RMND5A: variants seen among roughly 807,000 people sequenced by gnomAD.
RMND5A encodes the protein E3 ubiquitin-protein transferase RMND5A.
A neutral mutation model predicts 49.7 loss-of-function variants in RMND5A; 17 were observed. That is an observed-to-expected ratio of 0.34 (90% CI 0.23 to 0.51). The LOEUF (loss-of-function observed/expected upper bound fraction) is 0.51. Ranked by LOEUF, RMND5A falls within the 20% of genes least tolerant of loss-of-function variation. The pLI is 0.96. For missense variants in RMND5A, 255 were observed against 471.3 expected, an observed-to-expected ratio of 0.54 and a Z score of 4.25; for synonymous variants, 156 against 167.7, an observed-to-expected ratio of 0.93 and a Z score of 0.54.
At chr2:86,746,009 G>A (rs1393696700) in intron 2 of RMND5A, among the ~76,000 whole-genome samples, 1 of 152,172 alleles carries the variant, frequency 6.6e-6, no homozygotes, top group Non-Finnish European at 1.5e-5. Context: ...TTTTGCCACT[G>A]GGTGGAGTAT....
intron 4 of RMND5A, among the ~76,000 whole-genome samples, chr2:86,754,591 C>T (rs1389046943): frequency 6.6e-6 from 1 of 152,096 alleles, no homozygotes; most frequent in Non-Finnish European, 1.5e-5. Context: ...CTTTTTGAGA[C>T]AGGGTCTCAC....
intron 2 of RMND5A, among the ~76,000 whole-genome samples, chr2:86,747,276 G>GGGC (rs1681553711): frequency 6.6e-6 from 1 of 152,070 alleles, no homozygotes; most frequent in Non-Finnish European, 1.5e-5. Context: ...CTTGAAGGTG[G>GGGC]GGCATCTTCT....
At chr2:86,760,866 A>G (rs1672471456) in intron 4 of RMND5A, among the ~76,000 whole-genome samples, 1 of 152,302 alleles carries the variant, frequency 6.6e-6, no homozygotes, top group East Asian at 1.9e-4. Flanking sequence ...AGACGAGGGT[A>G]AAGTCACTTC....
At chr2:86,753,327 C>A in intron 3 of RMND5A, 131 bp from the exon 4 acceptor site, 1 of 555,034 alleles carries the variant, frequency 1.8e-6, no homozygotes, top group African/African-American at 1.9e-5. Context: ...AGGGGGCAGT[C>A]ATCAGTCTCT....
chr2:86,720,948 C>A, intron 1 of RMND5A, 139 bp downstream of exon 1: 1 of 677,588 alleles, frequency 1.5e-6, no homozygotes. Context: ...GCCCCCAGAC[C>A]CCTGAGACTT....
At chr2:86,758,693 C>T (rs1245304624) in intron 4 of RMND5A, among the ~76,000 whole-genome samples, 1 of 152,198 alleles carries the variant, frequency 6.6e-6, no homozygotes, top group Non-Finnish European at 1.5e-5. Context: ...GACAGAGACT[C>T]ACACCAACTC....
At position 86,744,850 on chromosome 2, in the gene RMND5A, G is replaced by T. The variant is rs189904118; in HGVS notation, c.285+3781G>T. Reference sequence around the variant, plus strand: ...TGGGCCTACATGCGCTTGCTACCATGCCCAGTTAATTTTTTTCATTTTTGC... The same window carrying T: ...TGGGCCTACATGCGCTTGCTACCATTCCCAGTTAATTTTTTTCATTTTTGC... On this transcript the variant is annotated intron_variant, in intron 2 of 8. Coordinates refer to ENST00000283632, the MANE Select transcript of RMND5A (RefSeq NM_022780.4). Among the ~76,000 whole-genome samples, 270 of 152,196 alleles carry T rather than the reference G, an allele frequency of 1.8e-3. 3 individuals are homozygous for T. The South Asian group carries it at 0.033, about 18-fold the overall frequency.
intron 4 of RMND5A, among the ~76,000 whole-genome samples, chr2:86,760,786 G>T (rs1299876139): frequency 3.9e-5 from 6 of 152,194 alleles, no homozygotes; most frequent in African/African-American, 1.4e-4. Flanking sequence ...GCAAGATGAA[G>T]CTAGGGCAAG....
chr2:86,765,786 G>A, intron 5 of RMND5A, 73 bp from the exon 6 acceptor site: 1 of 1,321,524 alleles, frequency 7.6e-7, no homozygotes. Context: ...ATCAGTATGG[G>A]TGGGGGTATT....
intron 4 of RMND5A, among the ~76,000 whole-genome samples, chr2:86,757,739 T>TG (rs1681768722): frequency 1.3e-5 from 2 of 152,264 alleles, no homozygotes; most frequent in African/African-American, 4.8e-5. Context: ...GTCTAGTATC[T>TG]GACTTTCAGC....
rs1200618700 is a variant in RMND5A at position 86,738,567 on chromosome 2, G to T, written c.143-2360G>T. Among the ~76,000 whole-genome samples the T allele has an allele frequency of 3.6e-5, 2 of 54,924 alleles. 1 individual carries two copies. Among genetic ancestry groups the T allele is most frequent in the Non-Finnish European group, 6.9e-5 (2 of 29,076 alleles). The allele number at this position is 54,924 out of a possible 152,430, so 36.0% of individuals were successfully genotyped here. On this transcript the variant is annotated intron_variant, in intron 1 of 8. Coordinates refer to ENST00000283632, the MANE Select transcript of RMND5A (RefSeq NM_022780.4). ...CAAAAAAAAAAAATGTTTTTTGTGGGTTTTTTTTTTAATTAGTTTACATGC... is the reference window on the plus strand; with the variant it reads ...CAAAAAAAAAAAATGTTTTTTGTGGTTTTTTTTTTTAATTAGTTTACATGC...
intron 6 of RMND5A, 30 bp from the exon 7 acceptor site, chr2:86,769,993 G>T: frequency 1.3e-6 from 2 of 1,555,644 alleles, no homozygotes; most frequent in Non-Finnish European, 1.8e-6. Flanking sequence ...CCCTGGCCTG[G>T]CACTGACGTT....
chr2:86,750,814 C>G (rs1355374772), intron 2 of RMND5A, among the ~76,000 whole-genome samples: 1 of 145,396 alleles, frequency 6.9e-6, no homozygotes, highest in East Asian at 2.0e-4. Flanking sequence ...TGGATGAATT[C>G]TATTGATTTT....
At chr2:86,752,788 C>T (rs535540586) in intron 3 of RMND5A, among the ~76,000 whole-genome samples, 4 of 152,232 alleles carry the variant, frequency 2.6e-5, no homozygotes, top group East Asian at 1.9e-4. Flanking sequence ...CATGAAGGAC[C>T]GAAAGAATTA....
intron 4 of RMND5A, among the ~76,000 whole-genome samples, chr2:86,753,869 G>C (rs1274537817): frequency 6.6e-6 from 1 of 152,220 alleles, no homozygotes; most frequent in Non-Finnish European, 1.5e-5. Context: ...TGTTCAGCCA[G>C]TGCAAGTTTG....
chr2:86,751,688 A>G (rs954510281), intron 2 of RMND5A, among the ~76,000 whole-genome samples: 2 of 152,210 alleles, frequency 1.3e-5, no homozygotes, highest in African/African-American at 4.8e-5. Flanking sequence ...CTACTTTAAA[A>G]AAACATTATC....
chr2:86,765,207 C>T lies in RMND5A; in HGVS notation c.688+14C>T. On this transcript the variant is annotated intron_variant, in intron 5 of 8. Coordinates refer to ENST00000283632, the MANE Select transcript of RMND5A (RefSeq NM_022780.4). The stretch of plus-strand genomic sequence containing the variant: ...ATCATCAAAAAGGTGAGTCTAGAGT[C>T]AGATGTTATTAATGTTTGAAACAGG... The T allele has an allele frequency of 6.5e-7, 1 of 1,532,710 alleles. No individual in the cohort carries two copies. The highest frequency in any genetic ancestry group is 8.7e-7 in the Non-Finnish European group (1 of 1,143,950). 94.9% of individuals were successfully genotyped at this position (1,532,710 alleles called of 1,614,324 possible).
chr2:86,723,907 G>GA (rs1383273777), intron 1 of RMND5A, among the ~76,000 whole-genome samples: 1 of 151,154 alleles, frequency 6.6e-6, no homozygotes, highest in Non-Finnish European at 1.5e-5. Context: ...TAAGTAGCTT[G>GA]AAATTCTTTT....
At chr2:86,721,007 C>T (rs1681202520) in intron 1 of RMND5A, 198 bp downstream of exon 1, 2 of 487,998 alleles carry the variant, frequency 4.1e-6, no homozygotes, top group Admixed American at 8.6e-5. Context: ...ACCTCGCTGC[C>T]AATTCAGAAG....
Sources: allele counts gnomAD v4.1 joint callset (sites outside exome capture counted in the v4.1 genomes callset), GRCh38; gene constraint gnomAD v4.1.1; transcripts MANE v1.5; gene names NCBI Gene and HGNC (gene_info 2026-07-23, HGNC 2026-07-21).